Variants in IL1R2 observed in about 807,000 individuals in gnomAD.
IL1R2 encodes the protein interleukin-1 receptor type 2.
Under a neutral mutation model 39.5 loss-of-function variants are expected in IL1R2, and 46 were observed. The ratio of observed to expected loss-of-function variants is 1.16; its 90% CI spans 0.92 to 1.49. The LOEUF is 1.49. IL1R2 is among the 40% of genes most tolerant of loss of function. The pLI is 0.00. For synonymous variants in IL1R2, 207 were observed against 189.6 expected, an observed-to-expected ratio of 1.09 and a Z score of -0.75; for missense variants, 537 against 502.0, an observed-to-expected ratio of 1.07 and a Z score of -0.67.
intron 1 of IL1R2, among the ~76,000 whole-genome samples, chr2:101,997,991 T>A (rs1015787930): frequency 3.9e-5 from 6 of 152,170 alleles, no homozygotes; most frequent in Non-Finnish European, 7.4e-5. Context: ...TCACTTCCTT[T>A]CCTCTTTCTG....
At chr2:102,023,005 G>A (rs759054515) in intron 6 of IL1R2, among the ~76,000 whole-genome samples, 1 of 152,226 alleles carries the variant, frequency 6.6e-6, no homozygotes, top group Non-Finnish European at 1.5e-5. Flanking sequence ...GCTCAGTGGA[G>A]GCCAAAAGGC....
intron 5 of IL1R2, among the ~76,000 whole-genome samples, chr2:102,021,488 G>A (rs1677397877): frequency 1.3e-5 from 2 of 151,950 alleles, no homozygotes; most frequent in African/African-American, 4.8e-5. Context: ...GCTAATTTTT[G>A]TATTTTTAGT....
chr2:101,992,042 C>T (rs1034282527), intron 1 of IL1R2, 31 bp downstream of exon 1: 1 of 147,896 alleles, frequency 6.8e-6, no homozygotes, highest in African/African-American at 2.5e-5. Context: ...AGGTAAGAGG[C>T]TTTGGAGAGA....
At chr2:102,015,463 T>C (rs3218899) in intron 3 of IL1R2, among the ~76,000 whole-genome samples, 6,399 of 152,274 alleles carry the variant, frequency 0.042, 434 homozygotes, top group African/African-American at 0.14. Flanking sequence ...AATAAACCCA[T>C]TGTAAGTTGG....
chr2:102,007,014 A>G (rs1276974504), intron 1 of IL1R2, among the ~76,000 whole-genome samples: 3 of 152,212 alleles, frequency 2.0e-5, no homozygotes, highest in Admixed American at 6.5e-5. Context: ...TGCCGCTCAG[A>G]GCCAGGCCTA....
intron 4 of IL1R2, among the ~76,000 whole-genome samples, chr2:102,019,139 T>C (rs1677195921): frequency 6.6e-6 from 1 of 152,180 alleles, no homozygotes; most frequent in East Asian, 1.9e-4. Flanking sequence ...ATAAAAAGTG[T>C]GGACTCGTTT....
chr2:102,003,770 G>A (rs1334993482), intron 1 of IL1R2, among the ~76,000 whole-genome samples: 1 of 146,816 alleles, frequency 6.8e-6, no homozygotes, highest in African/African-American at 2.6e-5. Flanking sequence ...CTAGGTCTAT[G>A]TCTACGTGTA....
chr2:102,010,189 T>C (rs1338763185), intron 3 of IL1R2: 1 of 232,646 alleles, frequency 4.3e-6, no homozygotes, highest in Non-Finnish European at 8.6e-6. Context: ...ATGTAAACTC[T>C]GCAAGGGCAG....
intron 1 of IL1R2, among the ~76,000 whole-genome samples, chr2:102,000,124 A>G (rs1263470323): frequency 1.3e-5 from 2 of 152,234 alleles, no homozygotes; most frequent in Admixed American, 6.5e-5. Flanking sequence ...ACGTCTTCCA[A>G]CTGTGTCCTT....
At chr2:101,993,524 A>G (rs1285471742) in intron 1 of IL1R2, among the ~76,000 whole-genome samples, 2 of 152,104 alleles carry the variant, frequency 1.3e-5, no homozygotes, top group Non-Finnish European at 2.9e-5. Flanking sequence ...AAACAGACTC[A>G]GGTGTCCTGA....
chr2:102,001,728 A>T (rs946248224), intron 1 of IL1R2, among the ~76,000 whole-genome samples: 3 of 152,234 alleles, frequency 2.0e-5, no homozygotes, highest in African/African-American at 7.2e-5. Context: ...CCTAGGGCTT[A>T]GTTAAAAAAT....
intron 7 of IL1R2, 93 bp downstream of exon 7, chr2:102,024,761 A>G (rs967735140): frequency 2.8e-5 from 41 of 1,450,126 alleles, no homozygotes; most frequent in Non-Finnish European, 3.2e-5. Context: ...CCACATTAAA[A>G]GTTACTTTTT....
intron 1 of IL1R2, among the ~76,000 whole-genome samples, chr2:102,005,051 C>G (rs1337346784): frequency 6.6e-6 from 1 of 152,326 alleles, no homozygotes; most frequent in East Asian, 1.9e-4. Flanking sequence ...CTCACTTTAC[C>G]TGTAGAAAGA....
chr2:102,013,660 T>C (rs985716789), intron 3 of IL1R2, among the ~76,000 whole-genome samples: 6 of 149,066 alleles, frequency 4.0e-5, no homozygotes, highest in African/African-American at 9.9e-5. Context: ...TAAATCTCAG[T>C]GGCTTAAAAT....
chr2:101,997,965 T>A (rs1675670964), intron 1 of IL1R2, among the ~76,000 whole-genome samples: 1 of 152,208 alleles, frequency 6.6e-6, no homozygotes, highest in East Asian at 1.9e-4. Context: ...AGGAAGGAAC[T>A]TCCCCTGCAT....
intron 1 of IL1R2, among the ~76,000 whole-genome samples, chr2:102,006,655 T>C (rs1029794275): frequency 3.9e-5 from 6 of 152,236 alleles, no homozygotes; most frequent in African/African-American, 1.4e-4. Context: ...GGCAGGCTTT[T>C]AGTCATAAGT....
intron 1 of IL1R2, among the ~76,000 whole-genome samples, chr2:102,002,326 CTG>C (rs1415662123): frequency 4.5e-5 from 5 of 112,046 alleles, no homozygotes; most frequent in African/African-American, 7.7e-5. Flanking sequence ...GTGTCTGTGT[CTG>C]TGTGTCTGTG....
chr2:102,005,072 T>A (rs918493095), intron 1 of IL1R2, among the ~76,000 whole-genome samples: 4 of 152,226 alleles, frequency 2.6e-5, no homozygotes, highest in Non-Finnish European at 5.9e-5. Flanking sequence ...AGAGACTTGA[T>A]TAGATTTCTC....
intron 3 of IL1R2, among the ~76,000 whole-genome samples, chr2:102,011,985 A>G (rs1230235552): frequency 6.6e-6 from 1 of 152,130 alleles, no homozygotes; most frequent in Non-Finnish European, 1.5e-5. Flanking sequence ...CTCCAGTACT[A>G]TTTGCTGAAA....
Sources: gnomAD v4.1 joint callset for allele counts (sites outside exome capture counted in the v4.1 genomes callset) on GRCh38, gnomAD v4.1.1 for gene constraint, MANE v1.5 for transcripts, NCBI Gene and HGNC (gene_info 2026-07-23, HGNC 2026-07-21) for gene names.